The following PAN3 variants were observed in gnomAD, a reference collection of about 807,000 sequenced individuals.
PAN3 encodes the protein PAN2-PAN3 deadenylation complex subunit PAN3.
PAN3 carries 19 observed loss-of-function variants against 96.2 expected under a neutral mutation model. The ratio of observed to expected loss-of-function variants is 0.20; its 90% CI spans 0.14 to 0.29. The LOEUF is 0.29. Ranked by LOEUF, PAN3 falls within the 10% of genes least tolerant of loss-of-function variation. The pLI is 1.00. For synonymous variants in PAN3, 433 were observed against 406.6 expected (o/e 1.06, Z -0.78); for missense variants, 882 against 1,108.1 (o/e 0.80, Z 2.90).
At chr13:28,146,981 CAA>C (rs201910066) in intron 1 of PAN3, among the ~76,000 whole-genome samples, 1 of 132,700 alleles carries the variant, frequency 7.5e-6, no homozygotes. Flanking sequence ...GACTCCGTCT[CAA>C]AAAAAAAAGG....
intron 1 of PAN3, among the ~76,000 whole-genome samples, chr13:28,163,070 A>G (rs1234132473): frequency 6.6e-6 from 1 of 151,754 alleles, no homozygotes; most frequent in Non-Finnish European, 1.5e-5. Context: ...TTGAGACAGC[A>G]TCTTGCTCTG....
intron 1 of PAN3, among the ~76,000 whole-genome samples, chr13:28,147,129 CTTAGTAA>C (rs1446955320): frequency 2.6e-5 from 4 of 152,184 alleles, no homozygotes; most frequent in Non-Finnish European, 5.9e-5. Context: ...CATTTCAGTA[CTTAGTAA>C]TTAGTACTGG....
chr13:28,197,706 A>T lies in PAN3; in HGVS notation c.852+360A>T, dbSNP rs185562318. Among the ~76,000 whole-genome samples, 17 of 152,070 alleles carry T rather than the reference A, an allele frequency of 1.1e-4. No individual in the cohort carries two copies. In the East Asian group the frequency reaches 3.1e-3, roughly 28 times the overall value. On this transcript the variant is annotated intron_variant, in intron 5 of 18. Coordinates refer to ENST00000380958, the MANE Select transcript of PAN3 (RefSeq NM_175854.8). ...TGCCTCAGCCTCTCAAGTAGCTGGG[A>T]CTGCAGGTGCACACCACCATGCCTG...
intron 6 of PAN3, among the ~76,000 whole-genome samples, chr13:28,221,404 G>C (rs1178295689): frequency 2.0e-5 from 3 of 151,554 alleles, no homozygotes; most frequent in South Asian, 2.1e-4. Flanking sequence ...AAAGCCAAAG[G>C]ATATATCTAG....
At chr13:28,284,853 G>C (rs951419592) in intron 17 of PAN3, among the ~76,000 whole-genome samples, 12 of 152,026 alleles carry the variant, frequency 7.9e-5, no homozygotes, top group Admixed American at 5.9e-4. Context: ...TCTAGAATCA[G>C]CTTCTTTAGT....
chr13:28,139,144 T>A, intron 1 of PAN3, 57 bp downstream of exon 1: 3 of 1,255,928 alleles, frequency 2.4e-6, no homozygotes, highest in South Asian at 6.1e-5. Context: ...CTGGGCCGGA[T>A]GAGGCCCTGC....
chr13:28,160,658 G>T (rs902867040), intron 1 of PAN3, among the ~76,000 whole-genome samples: 1 of 152,132 alleles, frequency 6.6e-6, no homozygotes, highest in Non-Finnish European at 1.5e-5. Context: ...GAACTGTTGG[G>T]ATTGTGCATA....
chr13:28,275,572 A>G (rs936763292), intron 14 of PAN3, among the ~76,000 whole-genome samples: 24 of 152,210 alleles, frequency 1.6e-4, no homozygotes, highest in Non-Finnish European at 3.5e-4. Flanking sequence ...AGAAATTTAT[A>G]GTTGGCATTT....
intron 1 of PAN3, among the ~76,000 whole-genome samples, chr13:28,148,994 A>G (rs1296143953): frequency 6.6e-6 from 1 of 152,106 alleles, no homozygotes; most frequent in Admixed American, 6.6e-5. Flanking sequence ...TATTTACACA[A>G]TTATGTGATA....
intron 12 of PAN3, among the ~76,000 whole-genome samples, 198 bp from the exon 13 acceptor site, chr13:28,270,503 A>G (rs1368170724): frequency 6.6e-6 from 1 of 152,256 alleles, no homozygotes; most frequent in East Asian, 1.9e-4. Context: ...TGGTATCAAT[A>G]TAAAAGGCAT....
chr13:28,178,471 A>G (rs1453457499), intron 4 of PAN3, among the ~76,000 whole-genome samples: 1 of 152,152 alleles, frequency 6.6e-6, no homozygotes, highest in Non-Finnish European at 1.5e-5. Context: ...AGTATTTTAT[A>G]AGGACTGATG....
intron 4 of PAN3, among the ~76,000 whole-genome samples, chr13:28,193,756 A>AAAAC (rs60905725): frequency 6.8e-6 from 1 of 146,510 alleles, no homozygotes; most frequent in East Asian, 2.0e-4. Context: ...AAAAAAAAAA[A>AAAAC]CCCAAGAAAC....
At chr13:28,157,922 G>A (rs1013014272) in intron 1 of PAN3, among the ~76,000 whole-genome samples, 1 of 152,180 alleles carries the variant, frequency 6.6e-6, no homozygotes, top group African/African-American at 2.4e-5. Flanking sequence ...AAAGAGCAAA[G>A]CATCACATTA....
intron 1 of PAN3, among the ~76,000 whole-genome samples, chr13:28,142,511 A>ATT (rs74881179): frequency 1.2e-3 from 153 of 126,662 alleles, no homozygotes; most frequent in African/African-American, 3.8e-3. Context: ...ATAGATGGCA[A>ATT]TTTTTTTTTT....
rs1386271829 is a variant in PAN3, at chr13:28,164,927, T to C, written c.431-9345T>C. Among the ~76,000 whole-genome samples, 8 of 152,226 alleles carry C rather than the reference T, an allele frequency of 5.3e-5. No individual in the cohort carries two copies. In the South Asian group the frequency reaches 6.2e-4, roughly 12 times the overall value. ...AGATGGAGAAGTTCTTATTTTTTTT[T>C]AGACCGAATCTCACTCTGTTGCCAG... is the stretch of plus-strand genomic sequence containing the variant. On this transcript the variant is annotated intron_variant, in intron 1 of 18. Coordinates refer to ENST00000380958, the MANE Select transcript of PAN3 (RefSeq NM_175854.8).
chr13:28,256,537 A>ATGGTATGTC lies in PAN3; in HGVS notation c.1248_1248+8dup, dbSNP rs777776184. On this transcript the variant is annotated inframe_insertion and splice_region_variant, in exon 7 of 19. Transcript: ENST00000380958. The stretch of plus-strand genomic sequence containing the variant: ...CACAACTCCAGCACCTTTGACTGGA[A>ATGGTATGTC]TGGTATGTCTACATTAAAGAGGAAA... The ATGGTATGTC allele has an allele frequency of 1.2e-6, 2 of 1,612,710 alleles. No homozygotes were observed. Among genetic ancestry groups the ATGGTATGTC allele is most frequent in the Non-Finnish European group, 1.7e-6 (2 of 1,179,414 alleles).
chr13:28,225,120 T>C (rs1364426695), intron 6 of PAN3, among the ~76,000 whole-genome samples: 8 of 152,198 alleles, frequency 5.3e-5, no homozygotes, highest in Admixed American at 3.9e-4. Flanking sequence ...TCATTTCTTA[T>C]ATATTCCTGA....
intron 4 of PAN3, among the ~76,000 whole-genome samples, chr13:28,178,547 A>G (rs766124297): frequency 4.6e-5 from 7 of 152,162 alleles, no homozygotes; most frequent in Non-Finnish European, 7.4e-5. Flanking sequence ...ACTAATAATC[A>G]TCTAGAGAAG....
intron 18 of PAN3, among the ~76,000 whole-genome samples, chr13:28,288,513 A>C (rs1260984072): frequency 6.6e-6 from 1 of 152,122 alleles, no homozygotes; most frequent in Non-Finnish European, 1.5e-5. Context: ...GCTGGTCTCG[A>C]ACTCCTCACT....
Sources: gnomAD v4.1 joint callset for allele counts (sites outside exome capture counted in the v4.1 genomes callset) on GRCh38, gnomAD v4.1.1 for gene constraint, MANE v1.5 for transcripts, NCBI Gene and HGNC (gene_info 2026-07-23, HGNC 2026-07-21) for gene names.